Variants in TESC observed in about 807,000 individuals in gnomAD.
TESC encodes the protein calcineurin B homologous protein 3.
A neutral mutation model predicts 31.0 loss-of-function variants in TESC; 19 were observed. That is an observed-to-expected ratio of 0.61 (90% confidence interval 0.43 to 0.90). The LOEUF (loss-of-function observed/expected upper bound fraction) is 0.90. Among genes scored for constraint, TESC ranks in the 40% least tolerant of loss-of-function variants. TESC has a pLI of 0.00. For synonymous variants in TESC, 109 were observed against 114.8 expected (o/e 0.95, Z 0.32); for missense variants, 248 against 303.8 (o/e 0.82, Z 1.36).
At chr12:117,055,960 G>A (rs1253657651) in intron 3 of TESC, among the ~76,000 whole-genome samples, 2 of 140,182 alleles carry the variant, frequency 1.4e-5, no homozygotes, top group Non-Finnish European at 3.0e-5. Flanking sequence ...ACTGACTCTC[G>A]CCCAGGCTGG....
At chr12:117,067,779 G>C (rs1954907954) in intron 2 of TESC, among the ~76,000 whole-genome samples, 2 of 152,170 alleles carry the variant, frequency 1.3e-5, no homozygotes, top group Non-Finnish European at 2.9e-5. Flanking sequence ...CTGTAAAATG[G>C]GGATAATAAT....
At chr12:117,071,886 C>T (rs527627141) in intron 2 of TESC, among the ~76,000 whole-genome samples, 29 of 152,316 alleles carry the variant, frequency 1.9e-4, no homozygotes, top group Non-Finnish European at 3.4e-4. Context: ...GTGCTGTCCA[C>T]AGTGCTGGGC....
chr12:117,042,051 G>A lies in TESC; in HGVS notation c.520-57C>T, dbSNP rs80031823. 9.0e-3 allele frequency: 13,890 copies of A among 1,540,776 alleles called. 593 individuals carry two copies. The South Asian group carries it at 0.1, about 11-fold the overall frequency. ...TGGCGCAGGTCCCCACACAGCTTCCGCAGGGGGACGGTCCACTGGCCTCCC... is the reference window on the plus strand; with the variant it reads ...TGGCGCAGGTCCCCACACAGCTTCCACAGGGGGACGGTCCACTGGCCTCCC... On this transcript the variant is annotated intron_variant, in intron 6 of 7. Transcript: ENST00000335209.
At chr12:117,095,510 C>G (rs534110497) in intron 1 of TESC, among the ~76,000 whole-genome samples, 1 of 152,192 alleles carries the variant, frequency 6.6e-6, no homozygotes, top group Non-Finnish European at 1.5e-5. Flanking sequence ...ATACGGGAGT[C>G]TTTTCCTATC....
At chr12:117,047,998 C>A (rs1348744721) in intron 4 of TESC, among the ~76,000 whole-genome samples, 1 of 152,078 alleles carries the variant, frequency 6.6e-6, no homozygotes, top group Non-Finnish European at 1.5e-5. Flanking sequence ...CCCCACTCAG[C>A]CTCCTAAAGT....
intron 1 of TESC, among the ~76,000 whole-genome samples, chr12:117,095,518 A>G (rs1955380795): frequency 6.6e-6 from 1 of 152,160 alleles, no homozygotes; most frequent in African/African-American, 2.4e-5. Flanking sequence ...GTCTTTTCCT[A>G]TCCCTTCTTG....
chr12:117,093,254 C>T lies in TESC; in HGVS notation c.58+5971G>A, dbSNP rs114087342. On this transcript the variant is annotated intron_variant, in intron 1 of 7. Coordinates refer to ENST00000335209, the MANE Select transcript of TESC (RefSeq NM_017899.4). ...CAATTGGTGAATGAGCCGAGGCCAC[C>T]GTCTGAGGCCACTTAAAGACTTTAG... Among the ~76,000 whole-genome samples the T allele has an allele frequency of 3.1e-3, 468 of 152,328 alleles. 2 individuals are homozygous for T. The highest frequency in any genetic ancestry group is 0.011 in the African/African-American group (442 of 41,564).
chr12:117,063,431 C>A (rs1247566362), intron 2 of TESC, among the ~76,000 whole-genome samples: 2 of 152,156 alleles, frequency 1.3e-5, no homozygotes, highest in East Asian at 3.9e-4. Context: ...GGACCAGGCT[C>A]AAAAAACCAC....
At chr12:117,099,132 A>G in intron 1 of TESC, 93 bp downstream of exon 1, 3 of 1,352,278 alleles carry the variant, frequency 2.2e-6, no homozygotes, top group Admixed American at 3.2e-5. Flanking sequence ...CACTGGCCCA[A>G]GGTCACACAG....
intron 2 of TESC, among the ~76,000 whole-genome samples, chr12:117,068,660 T>C (rs1275058754): frequency 2.0e-5 from 3 of 152,210 alleles, no homozygotes; most frequent in African/African-American, 7.2e-5. Flanking sequence ...ACATGGAGCA[T>C]GGAGTCCCTT....
At chr12:117,080,739 T>C (rs1955134220) in intron 1 of TESC, among the ~76,000 whole-genome samples, 1 of 152,126 alleles carries the variant, frequency 6.6e-6, no homozygotes, top group South Asian at 2.1e-4. Flanking sequence ...AGCTGCTTCC[T>C]CCTAACTGCG....
At chr12:117,085,379 T>A (rs1040734686) in intron 1 of TESC, among the ~76,000 whole-genome samples, 1 of 152,090 alleles carries the variant, frequency 6.6e-6, no homozygotes, top group Non-Finnish European at 1.5e-5. Context: ...TGGATGAGAC[T>A]GAGAGACAGC....
At chr12:117,069,629 A>G (rs752675862) in intron 2 of TESC, among the ~76,000 whole-genome samples, 1 of 152,148 alleles carries the variant, frequency 6.6e-6, no homozygotes, top group East Asian at 1.9e-4. Flanking sequence ...ATGCCGCAAG[A>G]CGAACCCTCC....
At chr12:117,075,821 T>A (rs908678988) in intron 1 of TESC, among the ~76,000 whole-genome samples, 39 of 136,748 alleles carry the variant, frequency 2.9e-4, no homozygotes, top group Admixed American at 4.6e-4. Flanking sequence ...AGTGTCACCA[T>A]GCCCGGCTAA....
intron 1 of TESC, among the ~76,000 whole-genome samples, chr12:117,079,784 T>G (rs946338377): frequency 4.6e-5 from 7 of 152,104 alleles, no homozygotes; most frequent in Admixed American, 3.9e-4. Context: ...TAGAGAGAGA[T>G]AAAAATGTTC....
At chr12:117,065,414 C>A (rs1954863111) in intron 2 of TESC, among the ~76,000 whole-genome samples, 1 of 152,180 alleles carries the variant, frequency 6.6e-6, no homozygotes, top group South Asian at 2.1e-4. Flanking sequence ...TCAAAGGTGA[C>A]CACTGCAGGG....
chr12:117,079,439 G>A (rs780355653), intron 1 of TESC, among the ~76,000 whole-genome samples: 1 of 152,054 alleles, frequency 6.6e-6, no homozygotes, highest in Non-Finnish European at 1.5e-5. Context: ...GCAGGCACCT[G>A]TAATCCCAGC....
chr12:117,080,760 C>T lies in TESC; in HGVS notation c.59-5420G>A, dbSNP rs188200742. Among the ~76,000 whole-genome samples the T allele has an allele frequency of 4.6e-3, 699 of 152,300 alleles. 7 individuals are homozygous for T. Among genetic ancestry groups the T allele is most frequent in the African/African-American group, 0.016 (668 of 41,558 alleles). On this transcript the variant is annotated intron_variant, in intron 1 of 7. Transcript: ENST00000335209. ...TTCCTCCTAACTGCGCCCCCCCAAC[C>T]CCTTCCCTGCCCCCACACCCGGGCT...
intron 1 of TESC, among the ~76,000 whole-genome samples, chr12:117,078,382 C>G (rs2135789397): frequency 6.6e-6 from 1 of 152,274 alleles, no homozygotes; most frequent in South Asian, 2.1e-4. Flanking sequence ...AGGAGAATCG[C>G]TTGAGCCCGG....
Sources: gnomAD v4.1 joint callset for allele counts (sites outside exome capture counted in the v4.1 genomes callset) on GRCh38, gnomAD v4.1.1 for gene constraint, MANE v1.5 for transcripts, NCBI Gene and HGNC (gene_info 2026-07-23, HGNC 2026-07-21) for gene names.